Variants in GALNT13 observed in about 807,000 individuals in gnomAD.
GALNT13 encodes UDP-GalNAc:polypeptide N-acetylgalactosaminyltransferase 13.
In GALNT13, 28 loss-of-function variants were observed where a neutral mutation model predicts 64.2. That is an observed-to-expected ratio of 0.44 (90% CI 0.32 to 0.60). The LOEUF is 0.60. GALNT13 is among the 20% of genes least tolerant of loss of function. The pLI, the probability that GALNT13 is intolerant of heterozygous loss-of-function variation, is 0.05. For missense variants in GALNT13, 577 were observed against 669.8 expected, an observed-to-expected ratio of 0.86 and a Z score of 1.53; for synonymous variants, 214 against 224.6, an observed-to-expected ratio of 0.95 and a Z score of 0.42.
the GALNT13 span, among the ~76,000 whole-genome samples, chr2:153,848,671 A>T: frequency 6.6e-6 from 1 of 152,256 alleles, no homozygotes; most frequent in Non-Finnish European, 1.5e-5. Flanking sequence ...AGGTAATAGA[A>T]AGATCAATGA....
the GALNT13 span, among the ~76,000 whole-genome samples, chr2:153,175,201 T>C: frequency 6.6e-6 from 1 of 152,180 alleles, no homozygotes. Context: ...TTTACTAAAA[T>C]AGAGTAGACA....
chr2:153,825,436 T>G, the GALNT13 span, among the ~76,000 whole-genome samples: 1 of 152,202 alleles, frequency 6.6e-6, no homozygotes, highest in Non-Finnish European at 1.5e-5. Flanking sequence ...ATTTAGAGGC[T>G]ACGACAAGCC....
chr2:153,398,529 A>G, the GALNT13 span, among the ~76,000 whole-genome samples: 1 of 151,936 alleles, frequency 6.6e-6, no homozygotes, highest in African/African-American at 2.4e-5. Flanking sequence ...ACTAGTTTAC[A>G]GTTCCACCAA....
At chr2:153,779,955 C>T in the GALNT13 span, among the ~76,000 whole-genome samples, 10 of 151,802 alleles carry the variant, frequency 6.6e-5, no homozygotes, top group South Asian at 2.1e-4. Flanking sequence ...GTGTGGTGAA[C>T]GTAATGTATT....
the GALNT13 span, among the ~76,000 whole-genome samples, chr2:153,460,131 ATGATAACTTATT>A: frequency 2.0e-5 from 3 of 152,088 alleles, no homozygotes; most frequent in East Asian, 5.8e-4. Flanking sequence ...GGATCTTTTT[ATGATAACTTATT>A]TCAGATGAAG....
At chr2:153,345,723 TTCCTTCCTTCCTTCC>T in the GALNT13 span, among the ~76,000 whole-genome samples, 83 of 82,778 alleles carry the variant, frequency 1.0e-3, no homozygotes, top group Non-Finnish European at 1.5e-3. Context: ...CTTTCTGTCC[TTCCTTCCTTCCTTCC>T]TTCCTTCCTT....
At chr2:153,914,483 CA>C (rs762980653) in intron 2 of GALNT13, among the ~76,000 whole-genome samples, 89 of 117,010 alleles carry the variant, frequency 7.6e-4, no homozygotes, top group African/African-American at 2.6e-3. Context: ...GTCTCCGTCT[CA>C]AAAAAAAAAA....
chr2:153,145,804 A>G, the GALNT13 span, among the ~76,000 whole-genome samples: 1 of 151,916 alleles, frequency 6.6e-6, no homozygotes, highest in African/African-American at 2.4e-5. Flanking sequence ...TATTGTATAC[A>G]TAATAGTGAA....
the GALNT13 span, among the ~76,000 whole-genome samples, chr2:153,383,081 G>A: frequency 1.3e-5 from 2 of 152,024 alleles, no homozygotes; most frequent in Non-Finnish European, 2.9e-5. Context: ...TAAGGAATGT[G>A]TTCAAATGTT....
chr2:154,201,747 T>C, intron 4 of GALNT13, among the ~76,000 whole-genome samples: 1 of 152,092 alleles, frequency 6.6e-6, no homozygotes, highest in East Asian at 1.9e-4. Flanking sequence ...GCCATAAGCA[T>C]GTGTGTTTGG....
At chr2:153,245,311 A>G in the GALNT13 span, among the ~76,000 whole-genome samples, 49 of 152,346 alleles carry the variant, frequency 3.2e-4, no homozygotes, top group Admixed American at 2.4e-3. Flanking sequence ...TGCCTCCTCA[A>G]TGGGTCCCTG....
the GALNT13 span, among the ~76,000 whole-genome samples, chr2:153,348,649 C>T: frequency 6.6e-6 from 1 of 152,166 alleles, no homozygotes; most frequent in African/African-American, 2.4e-5. Context: ...TCCCAGTTCT[C>T]ACATAGTGCC....
the GALNT13 span, among the ~76,000 whole-genome samples, chr2:153,403,576 C>T: frequency 2.0e-5 from 3 of 152,142 alleles, no homozygotes; most frequent in Non-Finnish European, 2.9e-5. Context: ...TAGCAATCAG[C>T]GAGACTCCCT....
At chr2:154,446,565 C>G in intron 12 of GALNT13, 1 of 1,526,906 alleles carries the variant, frequency 6.5e-7, no homozygotes, top group Non-Finnish European at 8.8e-7. Flanking sequence ...CTTTGTCAAA[C>G]AGACCCACAC....
the GALNT13 span, among the ~76,000 whole-genome samples, chr2:153,207,802 TC>T: frequency 1.3e-5 from 2 of 152,188 alleles, no homozygotes; most frequent in African/African-American, 4.8e-5. Flanking sequence ...GTTGCTTTTA[TC>T]TTTTGGTGTC....
At chr2:153,523,460 A>T in the GALNT13 span, among the ~76,000 whole-genome samples, 2 of 152,198 alleles carry the variant, frequency 1.3e-5, no homozygotes, top group African/African-American at 4.8e-5. Flanking sequence ...AAAACAAAAC[A>T]TCTCACCGTT....
At chr2:153,192,768 C>G in the GALNT13 span, among the ~76,000 whole-genome samples, 13 of 151,912 alleles carry the variant, frequency 8.6e-5, no homozygotes, top group African/African-American at 2.9e-4. Flanking sequence ...TCTCTTTTTA[C>G]TGTTTTTGTC....
chr2:154,371,057 G>T (rs1697659103), intron 9 of GALNT13, among the ~76,000 whole-genome samples: 1 of 152,108 alleles, frequency 6.6e-6, no homozygotes, highest in Non-Finnish European at 1.5e-5. Flanking sequence ...ACCCTGCTGA[G>T]AAGGGAAGAT....
the GALNT13 span, among the ~76,000 whole-genome samples, chr2:153,695,059 C>T: frequency 6.6e-6 from 1 of 152,124 alleles, no homozygotes; most frequent in South Asian, 2.1e-4. Context: ...CACAAGTTTC[C>T]AAGTGACTTC....
Sources: gnomAD v4.1 joint callset for allele counts (sites outside exome capture counted in the v4.1 genomes callset) on GRCh38, gnomAD v4.1.1 for gene constraint, MANE v1.5 for transcripts, NCBI Gene and HGNC (gene_info 2026-07-23, HGNC 2026-07-21) for gene names.